The following EVPL variants were observed in gnomAD, a reference collection of about 807,000 sequenced individuals.
EVPL encodes envoplakin.
EVPL carries 94 observed loss-of-function variants against 129.7 expected under a neutral mutation model. The ratio of observed to expected loss-of-function variants is 0.72; its 90% CI spans 0.61 to 0.86. The LOEUF (loss-of-function observed/expected upper bound fraction) is 0.86, where lower values mean the gene tolerates loss of function less well. EVPL is among the 40% of genes least tolerant of loss of function. EVPL has a pLI of 0.00. For missense variants in EVPL, 2,625 were observed against 2,721.1 expected (o/e 0.96, Z 0.79); for synonymous variants, 1,172 against 1,191.1 (o/e 0.98, Z 0.33).
chr17:76,008,376 G>T lies in EVPL; in HGVS notation c.4829C>A (p.Thr1610Lys). Residue 1610 changes from threonine (T) to lysine (K), a missense_variant, in exon 22 of 22, where the codon ACA (threonine) becomes AAA (lysine). Coordinates refer to ENST00000301607, the MANE Select transcript of EVPL (RefSeq NM_001988.4). The surrounding 1 kb of genome is among the most constrained non-coding windows in gnomAD (Gnocchi z 7.4). ...RALERQKQQQ[T>K]LQLQEESKLL... ...CTTCGACTCCTCCTGCAGCTGCAGT[G>T]TCTGCTGCTGCTTCTGCCTCTCCAG... 1 of 1,599,668 alleles carries T rather than the reference G, an allele frequency of 6.3e-7. No homozygotes were observed. The highest frequency in any genetic ancestry group is 8.5e-7 in the Non-Finnish European group (1 of 1,178,464).
rs2066460169 is a variant in EVPL, at chr17:76,021,660, C to T, written c.915+14G>A. The T allele has an allele frequency of 6.3e-7, 1 of 1,598,950 alleles. No individual in the cohort carries two copies. The highest frequency in any genetic ancestry group is 1.1e-5 in the South Asian group (1 of 89,258). On this transcript the variant is annotated intron_variant, in intron 8 of 21. Coordinates refer to ENST00000301607, the MANE Select transcript of EVPL (RefSeq NM_001988.4). ...CACCACGTCCCTTCTCACTCTCGCC[C>T]TGCCCCAGCGCACCTGGATGGGCCC...
In EVPL at chr17:76,024,377, G is replaced by A. The variant is rs557343417; in HGVS notation, c.99-257C>T. Among the ~76,000 whole-genome samples, 72 of 152,262 alleles carry A rather than the reference G, an allele frequency of 4.7e-4. No individual in the cohort carries two copies. In the South Asian group the frequency reaches 0.014, roughly 29 times the overall value. On this transcript the variant is annotated intron_variant, in intron 1 of 21. Transcript: ENST00000301607. The surrounding 1 kb of genome is among the most constrained non-coding windows in gnomAD (Gnocchi z 4.5). ...TGCTGGGGAGGGGGCAGGCGGCCTC[G>A]GTGTCCCAGCCTTAGCCAGCTGTGC...
chr17:76,008,033 C>T lies in EVPL; in HGVS notation c.5172G>A (p.Glu1724=). The change falls in exon 22 of 22, where the codon GAG becomes GAA. Residue 1724 remains glutamate (E), a synonymous_variant. Coordinates refer to ENST00000301607, the MANE Select transcript of EVPL (RefSeq NM_001988.4). This position sits in a 1 kb window ranked among gnomAD's most constrained non-coding sequence, Gnocchi z 7.4. ...CACAGGGCCCCGAGGTGGTGACCTC[C>T]TCCCAGTCACACTCGAGCTCCTGCA... is the stretch of plus-strand genomic sequence containing the variant. ...LQLQELECDW[E]EVTTSGPCGE... is the part of the protein sequence containing the mutation. 1 of 1,614,172 alleles carries T rather than the reference C, an allele frequency of 6.2e-7. No individual in the cohort carries two copies. Among genetic ancestry groups the T allele is most frequent in the Admixed American group, 1.7e-5 (1 of 60,034 alleles).
chr17:76,023,995 C>T, intron 2 of EVPL, 26 bp downstream of exon 2: 1 of 1,602,680 alleles, frequency 6.2e-7, no homozygotes, highest in Middle Eastern at 1.9e-4. Flanking sequence ...CTGTCCACGC[C>T]CTGCCAACTG....
chr17:76,023,918 C>G, intron 2 of EVPL, 103 bp downstream of exon 2: 1 of 1,436,806 alleles, frequency 7.0e-7, no homozygotes, highest in South Asian at 1.2e-5. Context: ...TCTGTCCCAT[C>G]TTCACCATCA....
At position 76,007,561 on chromosome 17, in the gene EVPL, C is replaced by T; in HGVS notation, c.5644G>A (p.Ala1882Thr). The T allele has an allele frequency of 6.2e-7, 1 of 1,614,078 alleles. No individual in the cohort carries two copies. The highest frequency in any genetic ancestry group is 8.5e-7 in the Non-Finnish European group (1 of 1,180,042). ...LSRERYSVHK[A>T]MERGLIENTS... ...TTCTCGATCAGGCCCCTCTCCATCG[C>T]CTTGTGCACAGAGTAGCGCTCACGG... The change falls in exon 22 of 22, where the codon GCG becomes ACG. Residue 1882 changes from alanine (A) to threonine (T), a missense_variant. Coordinates refer to ENST00000301607, the MANE Select transcript of EVPL (RefSeq NM_001988.4). The surrounding 1 kb of genome is among the most constrained non-coding windows in gnomAD (Gnocchi z 8.8).
In EVPL at chr17:76,010,019, G is replaced by A. The variant is rs562102793; in HGVS notation, c.3186C>T (p.Ala1062=). The change falls in exon 22 of 22, where the codon GCC becomes GCT. Residue 1062 remains alanine (A), a synonymous_variant. Transcript: ENST00000301607. ...TCACGTCCACCTCCCTCTTCTCAAG[G>A]GCCAGTAGCTCCTTCTTCAGCCCTT... ...RLEGLKKELL[A]LEKREVDVKE... 561 of 1,613,180 alleles carry A rather than the reference G, an allele frequency of 3.5e-4. 9 individuals carry two copies. In the South Asian group the frequency reaches 5.8e-3, roughly 17 times the overall value.
Position 76,014,846 on chromosome 17 carries a change from C to T in EVPL, c.2222+70G>A, listed in dbSNP as rs553537803. The T allele has an allele frequency of 1.4e-4, 203 of 1,451,912 alleles. 1 individual carries two copies. The highest frequency in any genetic ancestry group is 1.2e-3 in the African/African-American group (85 of 71,214). The allele number at this position is 1,451,912 out of a possible 1,614,324, so 89.9% of individuals were successfully genotyped here. A position where few individuals can be genotyped will look rare whatever the true frequency, so the allele number is the denominator to read the frequency against. On this transcript the variant is annotated intron_variant, in intron 17 of 21. Transcript: ENST00000301607. ...GTGAAGTCACTAGCCCAGGATCACA[C>T]AGCTTGTAGACAGCAATGCCTGGCT... is the stretch of plus-strand genomic sequence containing the variant.
chr17:76,019,693 C>A, intron 9 of EVPL, 40 bp from the exon 10 acceptor site: 3 of 1,595,288 alleles, frequency 1.9e-6, no homozygotes, highest in South Asian at 1.1e-5. Flanking sequence ...CCTCGTGCAA[C>A]CTGCTGCCCA....
chr17:76,024,318 G>A lies in EVPL; in HGVS notation c.99-198C>T, dbSNP rs1307239875. 3.3e-5 allele frequency among the ~76,000 whole-genome samples: 5 copies of A among 152,204 alleles called. No individual in the cohort carries two copies. Among genetic ancestry groups the A allele is most frequent in the Non-Finnish European group, 5.9e-5 (4 of 68,032 alleles). On this transcript the variant is annotated intron_variant, in intron 1 of 21. Transcript: ENST00000301607. The surrounding 1 kb of genome is among the most constrained non-coding windows in gnomAD (Gnocchi z 4.5). ...GTGTTAGCACTGCCCCGCCACATGA[G>A]GGGTCAAAAGGTGAGGGTCTCAGGT...
Position 76,008,598 on chromosome 17 carries a change from C to T in EVPL, c.4607G>A (p.Arg1536Gln), listed in dbSNP as rs747340763. Residue 1536 changes from arginine (R) to glutamine (Q), a missense_variant, in exon 22 of 22, where the codon CGG becomes CAG. By Grantham distance (43) the Arg-to-Gln change is conservative (BLOSUM62 1). Around this residue, in one of 4 missense-constraint regions of EVPL, gnomAD observed 1,453 missense variants for 1,511.8 expected, o/e 0.96. Transcript: ENST00000301607. This position sits in a 1 kb window ranked among gnomAD's most constrained non-coding sequence, Gnocchi z 7.4. ...VQKDRVLEDE[R>Q]ARVWEMLNRE... is the part of the protein sequence containing the mutation. ...GTTGAGCATCTCCCACACGCGGGCC[C>T]GCTCATCTTCCAGGACGCGGTCCTT... 3.7e-6 allele frequency: 6 copies of T among 1,611,590 alleles called. No homozygotes were observed. Among genetic ancestry groups the T allele is most frequent in the African/African-American group, 1.3e-5 (1 of 74,954 alleles).
At position 76,009,981 on chromosome 17, in the gene EVPL, A is replaced by G. The variant is rs2066362578; in HGVS notation, c.3224T>C (p.Val1075Ala). 1 of 1,613,446 alleles carries G rather than the reference A, an allele frequency of 6.2e-7. No homozygotes were observed. Among genetic ancestry groups the G allele is most frequent in the Non-Finnish European group, 8.5e-7 (1 of 1,179,972 alleles). ...CTCCACCTTGACTACCTCTTTCACC[A>G]CGACCTTCTCCTTCACGTCCACCTC... ...KREVDVKEKV[V>A]VKEVVKVEKN... The change falls in exon 22 of 22, where the codon GTG (valine) becomes GCG (alanine). Residue 1075 changes from valine (V) to alanine (A), a missense_variant. Transcript: ENST00000301607. The surrounding 1 kb of genome is among the most constrained non-coding windows in gnomAD (Gnocchi z 5.9).
At position 76,008,497 on chromosome 17, in the gene EVPL, G is replaced by A. The variant is rs763560367; in HGVS notation, c.4708C>T (p.Leu1570=). 1 of 1,602,212 alleles carries A rather than the reference G, an allele frequency of 6.2e-7. No individual in the cohort carries two copies. Among genetic ancestry groups the A allele is most frequent in the South Asian group, 1.1e-5 (1 of 90,534 alleles). Residue 1570 remains leucine, a synonymous_variant, in exon 22 of 22, where the codon CTG becomes TTG. Transcript: ENST00000301607. The surrounding 1 kb of genome is among the most constrained non-coding windows in gnomAD (Gnocchi z 7.4). The part of the protein sequence containing the change: ...LRERIDRAET[L]GRTWSREESE... ...TCCTCCCGGGACCAGGTTCTCCCCA[G>A]CGTCTCGGCCCGGTCAATGCGCTCC...
rs1195174890 is a variant in EVPL, at chr17:76,024,629, C to G, written c.99-509G>C. On this transcript the variant is annotated intron_variant, in intron 1 of 21. Coordinates refer to ENST00000301607, the MANE Select transcript of EVPL (RefSeq NM_001988.4). The surrounding 1 kb of genome is among the most constrained non-coding windows in gnomAD (Gnocchi z 4.5). ...CACCCCAGGGAGCCTTGCCAGCATG[C>G]TGGCTTCAGTAGCCATCTAGAGGAG... is the stretch of plus-strand genomic sequence containing the variant. Among the ~76,000 whole-genome samples, 1 of 152,126 alleles carries G rather than the reference C, an allele frequency of 6.6e-6. No homozygotes were observed. The highest frequency in any genetic ancestry group is 1.5e-5 in the Non-Finnish European group (1 of 68,018).
At position 76,013,737 on chromosome 17, in the gene EVPL, C is replaced by T. The variant is rs929102540; in HGVS notation, c.2373+689G>A. On this transcript the variant is annotated intron_variant, in intron 18 of 21. Coordinates refer to ENST00000301607, the MANE Select transcript of EVPL (RefSeq NM_001988.4). This position sits in a 1 kb window ranked among gnomAD's most constrained non-coding sequence, Gnocchi z 4.3. ...CCGCTGGATTTCCACCCTGGCTCCT[C>T]GTGGGCCTCCGTGTCTTCATTCCCA... Among the ~76,000 whole-genome samples, 1 of 152,194 alleles carries T rather than the reference C, an allele frequency of 6.6e-6. No homozygotes were observed. The highest frequency in any genetic ancestry group is 1.5e-5 in the Non-Finnish European group (1 of 68,040).
rs2066488330 is a variant in EVPL at position 76,024,867 on chromosome 17, A to AGAC, written c.99-748_99-747insGTC. 6.6e-6 allele frequency among the ~76,000 whole-genome samples: 1 copy of AGAC among 152,156 alleles called. No individual in the cohort carries two copies. Among genetic ancestry groups the AGAC allele is most frequent in the South Asian group, 2.1e-4 (1 of 4,826 alleles). On this transcript the variant is annotated intron_variant, in intron 1 of 21. Coordinates refer to ENST00000301607, the MANE Select transcript of EVPL (RefSeq NM_001988.4). This position sits in a 1 kb window ranked among gnomAD's most constrained non-coding sequence, Gnocchi z 4.5. ...CATAGAGCACCTGCTGTGTGCATGC[A>AGAC]CTCACTGTGCGGAGGTCACAAGGTC...
In EVPL at chr17:76,007,616, C is replaced by A. The variant is rs77301023; in HGVS notation, c.5589G>T (p.Ala1863=). 3,286 of 1,613,926 alleles carry A rather than the reference C, an allele frequency of 2.0e-3. 33 individuals carry two copies. The African/African-American group carries it at 0.025, about 13-fold the overall frequency. ...ITGQKLLEAQ[A]ATGGIVDLLS... is the part of the protein sequence containing the mutation. ...GCAGGTCCACGATGCCCCCTGTGGCCGCCTGGGCCTCCAGTAGCTTCTGCC... is the reference window on the plus strand; with the variant it reads ...GCAGGTCCACGATGCCCCCTGTGGCAGCCTGGGCCTCCAGTAGCTTCTGCC... The change falls in exon 22 of 22, where the codon GCG becomes GCT. Residue 1863 remains alanine (A), a synonymous_variant. Coordinates refer to ENST00000301607, the MANE Select transcript of EVPL (RefSeq NM_001988.4). This position sits in a 1 kb window ranked among gnomAD's most constrained non-coding sequence, Gnocchi z 8.8.
chr17:76,009,244 C>T lies in EVPL; in HGVS notation c.3961G>A (p.Glu1321Lys), dbSNP rs189623597. 16 of 1,607,834 alleles carry T rather than the reference C, an allele frequency of 1.0e-5. No homozygotes were observed. Among genetic ancestry groups the T allele is most frequent in the African/African-American group, 4.0e-5 (3 of 75,050 alleles). The change falls in exon 22 of 22, where the codon GAG becomes AAG. Residue 1321 changes from glutamate to lysine, a missense_variant. Coordinates refer to ENST00000301607, the MANE Select transcript of EVPL (RefSeq NM_001988.4). The surrounding 1 kb of genome is among the most constrained non-coding windows in gnomAD (Gnocchi z 5.9). ...TCTTTCTCCAGCACCGGGTCCTTCTCGTGGCGCACCACCTCCTTGCTCACC... is the reference window on the plus strand; with the variant it reads ...TCTTTCTCCAGCACCGGGTCCTTCTTGTGGCGCACCACCTCCTTGCTCACC... ...KTVSKEVVRH[E>K]KDPVLEKEAE...
chr17:76,026,247 T>C (rs979820109), intron 1 of EVPL, among the ~76,000 whole-genome samples: 3 of 149,576 alleles, frequency 2.0e-5, no homozygotes, highest in Non-Finnish European at 4.5e-5. Context: ...CCAGGATTTT[T>C]TTTTTTTTTT....
Sources: allele counts gnomAD v4.1 joint callset (sites outside exome capture counted in the v4.1 genomes callset), GRCh38; gene constraint gnomAD v4.1.1; regional missense constraint gnomAD v4.1.1; non-coding constraint Gnocchi (gnomAD v3.1); transcripts MANE v1.5; gene names NCBI Gene and HGNC (gene_info 2026-07-23, HGNC 2026-07-21).